The following IMMP2L variants were observed in gnomAD, a reference collection of about 807,000 sequenced individuals.
IMMP2L encodes the protein inner mitochondrial membrane peptidase subunit 2.
Under a neutral mutation model 19.3 loss-of-function variants are expected in IMMP2L, and 18 were observed. The ratio of observed to expected loss-of-function variants is 0.93; its 90% CI spans 0.64 to 1.38. The LOEUF is 1.38. Ranked by LOEUF, IMMP2L falls within the 40% of genes most tolerant of loss-of-function variation. The pLI, the probability that IMMP2L is intolerant of heterozygous loss-of-function variation, is 0.00. For missense variants in IMMP2L, 233 were observed against 218.2 expected (o/e 1.07, Z -0.43); for synonymous variants, 76 against 73.0 (o/e 1.04, Z -0.21).
intron 5 of IMMP2L, among the ~76,000 whole-genome samples, chr7:110,854,095 CTAAT>C (rs907968477): frequency 1.3e-5 from 2 of 151,890 alleles, no homozygotes; most frequent in African/African-American, 2.4e-5. Context: ...ATTCTTGAAA[CTAAT>C]TAGTGTTAAT....
At chr7:111,062,881 A>G (rs950604357) in intron 3 of IMMP2L, among the ~76,000 whole-genome samples, 1 of 152,202 alleles carries the variant, frequency 6.6e-6, no homozygotes, top group Non-Finnish European at 1.5e-5. Context: ...TTTACAGGGT[A>G]CAGCCCTCCT....
intron 3 of IMMP2L, among the ~76,000 whole-genome samples, chr7:111,270,057 C>CTGTG (rs58848663): frequency 0.059 from 8,291 of 140,534 alleles, 363 homozygotes; most frequent in African/African-American, 0.13. Flanking sequence ...GCATGTGTGT[C>CTGTG]TGTGTGTGTG....
At chr7:110,777,542 C>A (rs1014600229) in intron 5 of IMMP2L, among the ~76,000 whole-genome samples, 13 of 152,004 alleles carry the variant, frequency 8.6e-5, no homozygotes, top group East Asian at 1.9e-4. Flanking sequence ...ATATTCTATA[C>A]CAAAGATAAT....
intron 5 of IMMP2L, among the ~76,000 whole-genome samples, chr7:110,789,169 C>A (rs1479558158): frequency 6.6e-6 from 1 of 151,776 alleles, no homozygotes; most frequent in Non-Finnish European, 1.5e-5. Flanking sequence ...ACTGAGTGAA[C>A]CCCAGGCTTT....
chr7:111,434,664 G>A (rs960453583), intron 3 of IMMP2L, among the ~76,000 whole-genome samples: 2 of 151,612 alleles, frequency 1.3e-5, no homozygotes, highest in African/African-American at 4.9e-5. Context: ...TCCTGCCTCA[G>A]CCTCCCACCC....
intron 5 of IMMP2L, among the ~76,000 whole-genome samples, chr7:110,836,666 C>T (rs1804516932): frequency 6.6e-6 from 1 of 152,118 alleles, no homozygotes; most frequent in African/African-American, 2.4e-5. Flanking sequence ...CTCATAAACA[C>T]ACATGGCAAA....
At chr7:111,114,034 T>C (rs1455469794) in intron 3 of IMMP2L, among the ~76,000 whole-genome samples, 1 of 151,350 alleles carries the variant, frequency 6.6e-6, no homozygotes, top group Non-Finnish European at 1.5e-5. Flanking sequence ...AAATAAAGAG[T>C]GGACAAAATG....
intron 1 of IMMP2L, among the ~76,000 whole-genome samples, chr7:111,528,733 T>A (rs780082151): frequency 1.1e-4 from 16 of 152,216 alleles, no homozygotes; most frequent in Non-Finnish European, 1.9e-4. Flanking sequence ...CAAGTCATCC[T>A]AATTATAAAA....
intron 3 of IMMP2L, among the ~76,000 whole-genome samples, chr7:111,355,487 T>C (rs1160939866): frequency 6.6e-6 from 1 of 151,750 alleles, no homozygotes; most frequent in African/African-American, 2.4e-5. Context: ...GTATATCCTC[T>C]TAATTAGTAA....
intron 4 of IMMP2L, among the ~76,000 whole-genome samples, chr7:110,917,258 T>G (rs1334374022): frequency 6.6e-6 from 1 of 152,168 alleles, no homozygotes; most frequent in African/African-American, 2.4e-5. Context: ...AATACCAGAC[T>G]TGTGGCCTCT....
chr7:111,038,490 A>G (rs1319075528), intron 3 of IMMP2L, among the ~76,000 whole-genome samples: 1 of 152,164 alleles, frequency 6.6e-6, no homozygotes, highest in Non-Finnish European at 1.5e-5. Context: ...CTAGGTTAGC[A>G]AACTCACTAA....
chr7:111,106,113 A>C (rs899636738), intron 3 of IMMP2L, among the ~76,000 whole-genome samples: 1 of 151,996 alleles, frequency 6.6e-6, no homozygotes, highest in African/African-American at 2.4e-5. Context: ...TAGAACATAT[A>C]ATACCAACAT....
At chr7:111,141,720 A>AG (rs1224672685) in intron 3 of IMMP2L, among the ~76,000 whole-genome samples, 1 of 151,806 alleles carries the variant, frequency 6.6e-6, no homozygotes, top group Non-Finnish European at 1.5e-5. Context: ...ACCAGGAGCT[A>AG]GAGATGTTCA....
intron 3 of IMMP2L, among the ~76,000 whole-genome samples, chr7:111,388,480 G>C (rs962811111): frequency 2.0e-5 from 3 of 151,904 alleles, no homozygotes; most frequent in Admixed American, 6.6e-5. Context: ...AGATGGAGAT[G>C]TATATGTATA....
intron 4 of IMMP2L, among the ~76,000 whole-genome samples, chr7:110,897,207 G>C: frequency 6.6e-6 from 1 of 152,046 alleles, no homozygotes; most frequent in African/African-American, 2.4e-5. Context: ...ATTTTTGAAA[G>C]GCAAAATGTG....
At chr7:111,556,346 T>C (rs1791359990) in intron 1 of IMMP2L, among the ~76,000 whole-genome samples, 1 of 152,068 alleles carries the variant, frequency 6.6e-6, no homozygotes, top group South Asian at 2.1e-4. Flanking sequence ...TGTAAGATGA[T>C]GGATGTTACT....
chr7:111,281,210 GAAAGAAAAAGAAAGAA>G (rs1819795312), intron 3 of IMMP2L, among the ~76,000 whole-genome samples: 3 of 45,134 alleles, frequency 6.6e-5, no homozygotes, highest in East Asian at 1.3e-3. Context: ...AAGAAAGAAA[GAAAGAAAAAGAAAGAA>G]AGAAAGAAAG....
chr7:111,541,776 T>C (rs1005768891), intron 1 of IMMP2L, among the ~76,000 whole-genome samples: 1 of 152,062 alleles, frequency 6.6e-6, no homozygotes, highest in Non-Finnish European at 1.5e-5. Flanking sequence ...TATCTACCAG[T>C]TTTGAAAAAT....
At chr7:110,997,611 A>G (rs913810338) in intron 3 of IMMP2L, among the ~76,000 whole-genome samples, 2 of 152,106 alleles carry the variant, frequency 1.3e-5, no homozygotes, top group Admixed American at 6.6e-5. Context: ...CTTAATGACT[A>G]ATGATGTTTA....
Sources: allele counts gnomAD v4.1 joint callset (sites outside exome capture counted in the v4.1 genomes callset), GRCh38; gene constraint gnomAD v4.1.1; transcripts MANE v1.5; gene names NCBI Gene and HGNC (gene_info 2026-07-23, HGNC 2026-07-21).